NOTCH4: variants seen among roughly 807,000 people sequenced by gnomAD.
NOTCH4 encodes the protein notch receptor 4, also known as neurogenic locus notch homolog protein 4.
NOTCH4 carries 138 observed loss-of-function variants against 189.0 expected under a neutral mutation model. The ratio of observed to expected loss-of-function variants is 0.73; its 90% CI spans 0.64 to 0.84. The LOEUF is 0.84. Ranked by LOEUF, NOTCH4 falls within the 40% of genes least tolerant of loss-of-function variation. The probability of loss-of-function intolerance (pLI) is 0.00; values close to 1 mark genes in which losing one functional copy is unlikely to be tolerated. For missense variants in NOTCH4, 2,286 were observed against 2,605.4 expected (o/e 0.88, Z 2.67); for synonymous variants, 942 against 1,032.8 (o/e 0.91, Z 1.69).
In NOTCH4 at chr6:32,199,736, CAG is replaced by C. The variant is rs1467427116; in HGVS notation, c.4316-593_4316-592del. ...ACAAAACAAAAACAAAAAAAATTAT[CAG>C]GGCATGGTGGCATGCCATTGTAATT... is the stretch of plus-strand genomic sequence containing the variant. On this transcript the variant is annotated intron_variant, in intron 23 of 29. Coordinates refer to ENST00000375023, the MANE Select transcript of NOTCH4 (RefSeq NM_004557.4). The surrounding 1 kb of genome is among the most constrained non-coding windows in gnomAD (Gnocchi z 4.9). 7.9e-6 allele frequency among the ~76,000 whole-genome samples: 1 copy of C among 126,850 alleles called. No homozygotes were observed. The highest frequency in any genetic ancestry group is 1.7e-5 in the Non-Finnish European group (1 of 58,048). 83.2% of individuals were successfully genotyped at this position (126,850 alleles called of 152,430 possible).
rs1788283856 is a variant in NOTCH4 at position 32,200,732 on chromosome 6, G to T, written c.4315+99C>A. The T allele has an allele frequency of 9.9e-7, 1 of 1,008,250 alleles. No individual in the cohort carries two copies. The allele number at this position is 1,008,250 out of a possible 1,614,324, so 62.5% of individuals were successfully genotyped here. ...TAAGTCCCCACAAAGAACATTTTCAGTCTCAGCTGTCCTGTTTGATTCAGC... is the reference window on the plus strand; with the variant it reads ...TAAGTCCCCACAAAGAACATTTTCATTCTCAGCTGTCCTGTTTGATTCAGC... On this transcript the variant is annotated intron_variant, in intron 23 of 29. Transcript: ENST00000375023. The surrounding 1 kb of genome is among the most constrained non-coding windows in gnomAD (Gnocchi z 5.0).
chr6:32,220,860 C>T lies in NOTCH4; in HGVS notation c.818G>A (p.Cys273Tyr). ...LCPPGFIGPD[C>Y]EVNPDNCVSH... ...GACACAGTTGTCTGGATTCACCTCA[C>T]AGTCTGGGCCTATGAAACCTGACAG... The change falls in exon 5 of 30, where the codon TGT becomes TAT. Residue 273 changes from cysteine to tyrosine, a missense_variant. Physicochemically the swap from Cys to Tyr is radical, Grantham distance 194 (BLOSUM62 -2). Transcript: ENST00000375023. The T allele has an allele frequency of 1.9e-6, 3 of 1,613,934 alleles. No individual in the cohort carries two copies. The highest frequency in any genetic ancestry group is 8.5e-7 in the Non-Finnish European group (1 of 1,179,868).
At chr6:32,197,633 A>G in intron 26 of NOTCH4, 39 bp from the exon 27 acceptor site, 1 of 1,536,746 alleles carries the variant, frequency 6.5e-7, no homozygotes, top group Non-Finnish European at 8.8e-7. Flanking sequence ...TCTAAAGGAC[A>G]CAACAAGGGG....
At chr6:32,222,912 CTCTT>C (rs1458949429) in intron 2 of NOTCH4, 89 bp downstream of exon 2, 7 of 1,553,622 alleles carry the variant, frequency 4.5e-6, no homozygotes, top group Non-Finnish European at 6.2e-6. Flanking sequence ...TTCACTTCCT[CTCTT>C]TCTTCTTTGG....
At chr6:32,220,902 T>C in intron 4 of NOTCH4, 24 bp from the exon 5 acceptor site, 1 of 1,609,850 alleles carries the variant, frequency 6.2e-7, no homozygotes, top group Non-Finnish European at 8.5e-7. Context: ...GGATCAGCTG[T>C]GGGAGGAGGC....
Position 32,218,100 on chromosome 6 carries a change from C to T in NOTCH4, c.1519G>A (p.Gly507Arg). 6.2e-7 allele frequency: 1 copy of T among 1,609,220 alleles called. No individual in the cohort carries two copies. Among genetic ancestry groups the T allele is most frequent in the Non-Finnish European group, 8.5e-7 (1 of 1,176,596 alleles). ...FHCLCPPGLE[G>R]QLCEVETNEC... ...TTGGTCTCCACCTCACAGAGCTGCC[C>T]TTCTAAGCCTGGGGACATGGGGACC... The change falls in exon 9 of 30, where the codon GGG becomes AGG. Residue 507 changes from glycine (G) to arginine (R), a missense_variant. This residue lies in a region of NOTCH4 where 1,903 missense variants were observed against 2,261.9 expected (regional missense o/e 0.84). Coordinates refer to ENST00000375023, the MANE Select transcript of NOTCH4 (RefSeq NM_004557.4).
intron 18 of NOTCH4, among the ~76,000 whole-genome samples, chr6:32,207,167 G>T (rs1373285959): frequency 2.0e-5 from 3 of 150,960 alleles, no homozygotes; most frequent in African/African-American, 7.3e-5. Context: ...CTGACCTTGT[G>T]ATCTGCCCGC....
At chr6:32,196,825 G>T in intron 28 of NOTCH4, 100 bp downstream of exon 28, 2 of 1,414,908 alleles carry the variant, frequency 1.4e-6, no homozygotes, top group Non-Finnish European at 9.8e-7. Context: ...ACAGCAGGAT[G>T]AGAGGGAATG....
rs1787846630 is a variant in NOTCH4, at chr6:32,195,785, C to T, written c.5664G>A (p.Ala1888=). 1 of 1,606,722 alleles carries T rather than the reference C, an allele frequency of 6.2e-7. No homozygotes were observed. Among genetic ancestry groups the T allele is most frequent in the East Asian group, 2.2e-5 (1 of 44,864 alleles). The change falls in exon 30 of 30, where the codon GCG becomes GCA. Residue 1888 remains alanine (A), a synonymous_variant. Transcript: ENST00000375023. The surrounding 1 kb of genome is among the most constrained non-coding windows in gnomAD (Gnocchi z 5.4). ...QARTWSVDLA[A]RGGGAYSHCR... ...AATGAGAATAGGCCCCGCCCCCCCG[C>T]GCAGCCAAGTCTACGGACCAAGTCC...
Position 32,202,161 on chromosome 6 carries a change from A to C in NOTCH4, c.3670T>G (p.Phe1224Val), listed in dbSNP as rs775121712. ...CPSHSRCWLL[F>V]RDGQCHPQCD... ...TGTGGGTGGCACTGCCCGTCCCGGA[A>C]GAGAAGCCAGCACCGAGAGTGGGAG... The change falls in exon 21 of 30, where the codon TTC becomes GTC. Residue 1224 changes from phenylalanine (F) to valine (V), a missense_variant. Phe to Val is a conservative substitution (Grantham distance 50). Coordinates refer to ENST00000375023, the MANE Select transcript of NOTCH4 (RefSeq NM_004557.4). The surrounding 1 kb of genome is among the most constrained non-coding windows in gnomAD (Gnocchi z 5.7). 18 of 1,520,614 alleles carry C rather than the reference A, an allele frequency of 1.2e-5. No individual in the cohort carries two copies. In the East Asian group the frequency reaches 2.0e-4, roughly 17 times the overall value. The allele number at this position is 1,520,614 out of a possible 1,614,324, so 94.2% of individuals were successfully genotyped here.
chr6:32,217,122 G>T lies in NOTCH4; in HGVS notation c.1738+31C>A. 2 of 1,612,788 alleles carry T rather than the reference G, an allele frequency of 1.2e-6. No homozygotes were observed. Among genetic ancestry groups the T allele is most frequent in the Non-Finnish European group, 1.7e-6 (2 of 1,179,796 alleles). Reference sequence around the variant, plus strand: ...GCACGGATGTCTGCCTCCTGCTCCCGCTGTCCCCCACAGTGTGTGCCCCAG... The same window carrying T: ...GCACGGATGTCTGCCTCCTGCTCCCTCTGTCCCCCACAGTGTGTGCCCCAG... On this transcript the variant is annotated intron_variant, in intron 10 of 29. Transcript: ENST00000375023. This position sits in a 1 kb window ranked among gnomAD's most constrained non-coding sequence, Gnocchi z 4.2.
chr6:32,204,889 T>C (rs1195468562), intron 18 of NOTCH4, among the ~76,000 whole-genome samples: 4 of 152,156 alleles, frequency 2.6e-5, no homozygotes, highest in East Asian at 1.9e-4. Flanking sequence ...GACATTTTAT[T>C]TGGGTTATCT....
chr6:32,213,852 A>G lies in NOTCH4; in HGVS notation c.2168-12T>C, dbSNP rs1371037552. 2 of 1,611,054 alleles carry G rather than the reference A, an allele frequency of 1.2e-6. No individual in the cohort carries two copies. Among genetic ancestry groups the G allele is most frequent in the East Asian group, 2.2e-5 (1 of 44,884 alleles). ...ACTACAGGTGGGTCCTGAAGGAAAC[A>G]GGTGGGGGCTGAGAAAGGGTGTCCT... On this transcript the variant is annotated splice_polypyrimidine_tract_variant and intron_variant, in intron 13 of 29. Transcript: ENST00000375023.
rs564535327 is a variant in NOTCH4, at chr6:32,204,464, T to C, written c.2866-75A>G. ...GCACTACAAGGGACCCAGCTCAAGA[T>C]AGTCTGTCCAGTCCCCCACCTTCCA... On this transcript the variant is annotated intron_variant, in intron 18 of 29. Coordinates refer to ENST00000375023, the MANE Select transcript of NOTCH4 (RefSeq NM_004557.4). The C allele has an allele frequency of 3.4e-5, 52 of 1,540,610 alleles. No individual in the cohort carries two copies. The African/African-American group carries it at 5.7e-4, about 17-fold the overall frequency.
chr6:32,221,385 G>T lies in NOTCH4; in HGVS notation c.452-60C>A. The T allele has an allele frequency of 1.6e-6, 2 of 1,260,358 alleles. No homozygotes were observed. Among genetic ancestry groups the T allele is most frequent in the Non-Finnish European group, 2.3e-6 (2 of 887,826 alleles). 78.1% of individuals were successfully genotyped at this position (1,260,358 alleles called of 1,614,324 possible). ...TTGTACGAATTCTAGCCCATCTGAG[G>T]TTACCCAGTGCTCACTCTGGATTAT... is the stretch of plus-strand genomic sequence containing the variant. On this transcript the variant is annotated intron_variant, in intron 3 of 29. Coordinates refer to ENST00000375023, the MANE Select transcript of NOTCH4 (RefSeq NM_004557.4). This position sits in a 1 kb window ranked among gnomAD's most constrained non-coding sequence, Gnocchi z 4.3.
intron 28 of NOTCH4, 129 bp from the exon 29 acceptor site, chr6:32,196,550 GC>G: frequency 8.4e-7 from 1 of 1,191,934 alleles, no homozygotes; most frequent in Non-Finnish European, 1.2e-6. Context: ...GGGAAGCGTT[GC>G]CCAGGAGACC....
At chr6:32,203,241 T>C in intron 20 of NOTCH4, 1 of 152,988 alleles carries the variant, frequency 6.5e-6, no homozygotes. Context: ...AGAAATAGGA[T>C]CATATGTCTT....
rs765965167 is a variant in NOTCH4 at position 32,222,531 on chromosome 6, G to A, written c.431C>T (p.Ser144Phe). Residue 144 changes from serine (S) to phenylalanine (F), a missense_variant, in exon 3 of 30, where the codon TCC becomes TTC. Ser to Phe is a radical substitution (Grantham distance 155). Coordinates refer to ENST00000375023, the MANE Select transcript of NOTCH4 (RefSeq NM_004557.4). The stretch of plus-strand genomic sequence containing the variant: ...CTTACCTGTCCATCCAGGCATGCAG[G>A]AGCACTGTGGGCGGCCCGAGGCCTG... ...HIQASGRPQC[S>F]CMPGWTGEQC... The A allele has an allele frequency of 2.6e-6, 4 of 1,547,856 alleles. No individual in the cohort carries two copies. The Admixed American group carries it at 6.4e-5, about 25-fold the overall frequency.
chr6:32,196,298 G>A (rs1398275330), intron 29 of NOTCH4, 26 bp downstream of exon 29: 30 of 1,613,022 alleles, frequency 1.9e-5, no homozygotes, highest in Non-Finnish European at 2.4e-5. Flanking sequence ...TGACTGTTTT[G>A]TGGGAAGCCC....
Sources: allele counts gnomAD v4.1 joint callset (sites outside exome capture counted in the v4.1 genomes callset), GRCh38; gene constraint gnomAD v4.1.1; regional missense constraint gnomAD v4.1.1; non-coding constraint Gnocchi (gnomAD v3.1); transcripts MANE v1.5; gene names NCBI Gene and HGNC (gene_info 2026-07-23, HGNC 2026-07-21).